The following PSD3 variants were observed in gnomAD, a reference collection of about 807,000 sequenced individuals.
PSD3 encodes pleckstrin and Sec7 domain containing 3, also known as PH and SEC7 domain-containing protein 3.
A neutral mutation model predicts 105.5 loss-of-function variants in PSD3; 49 were observed. That is an observed-to-expected ratio of 0.46 (90% confidence interval 0.37 to 0.59). The LOEUF is 0.59. Among genes scored for constraint, PSD3 ranks in the 20% least tolerant of loss-of-function variants. The pLI is 0.00. For synonymous variants in PSD3, 557 were observed against 457.8 expected (o/e 1.22, Z -2.77); for missense variants, 1,561 against 1,263.8 (o/e 1.24, Z -3.57).
At chr8:18,798,457 A>G (rs1321892145) in intron 8 of PSD3, among the ~76,000 whole-genome samples, 2 of 152,162 alleles carry the variant, frequency 1.3e-5, no homozygotes, top group African/African-American at 4.8e-5. Context: ...ATAGAGCTCC[A>G]TGGTTCCTTT....
chr8:18,938,346 G>C (rs748386742), intron 1 of PSD3, among the ~76,000 whole-genome samples: 1 of 151,300 alleles, frequency 6.6e-6, no homozygotes, highest in African/African-American at 2.4e-5. Context: ...AAGGGGCCAG[G>C]CACAGTGGCT....
At chr8:19,022,870 T>TG (rs995428292) in intron 1 of PSD3, among the ~76,000 whole-genome samples, 80 of 151,618 alleles carry the variant, frequency 5.3e-4, no homozygotes, top group African/African-American at 1.8e-3. Flanking sequence ...GACCCTTTTT[T>TG]TTTTTTTAAT....
chr8:18,632,541 A>T, intron 11 of PSD3, 72 bp downstream of exon 11: 1 of 1,486,138 alleles, frequency 6.7e-7, no homozygotes, highest in Non-Finnish European at 9.2e-7. Flanking sequence ...TGACTTTCAG[A>T]TAAATTCCCT....
intron 14 of PSD3, among the ~76,000 whole-genome samples, chr8:18,565,411 G>A (rs1270152224): frequency 1.3e-5 from 2 of 152,114 alleles, no homozygotes; most frequent in Admixed American, 6.6e-5. Flanking sequence ...CAAAGAAGGC[G>A]ACTCCTCCTA....
At chr8:18,963,341 C>T (rs976840649) in intron 1 of PSD3, among the ~76,000 whole-genome samples, 10 of 152,328 alleles carry the variant, frequency 6.6e-5, no homozygotes, top group Admixed American at 6.5e-4. Context: ...CAGAATTTGA[C>T]TTCCTGAATT....
At position 18,986,239 on chromosome 8, in the gene PSD3, A is replaced by T. The variant is rs1450293193; in HGVS notation, c.21+27324T>A. Among the ~76,000 whole-genome samples, 3 of 152,320 alleles carry T rather than the reference A, an allele frequency of 2.0e-5. No homozygotes were observed. In the East Asian group the frequency reaches 5.8e-4, roughly 29 times the overall value. On this transcript the variant is annotated intron_variant, in intron 1 of 15. Transcript: ENST00000327040. ...CTGCATTAATGAATAGATATAAATG[A>T]CTGTCATTAGAACTTCAGTTATCAA...
At chr8:18,796,129 A>G (rs1362374609) in intron 8 of PSD3, among the ~76,000 whole-genome samples, 5 of 151,986 alleles carry the variant, frequency 3.3e-5, no homozygotes, top group South Asian at 2.1e-4. Context: ...GGAAAATGAT[A>G]TATCAGTCAC....
At chr8:18,567,770 G>A (rs1801884977) in intron 14 of PSD3, among the ~76,000 whole-genome samples, 1 of 152,098 alleles carries the variant, frequency 6.6e-6, no homozygotes, top group Non-Finnish European at 1.5e-5. Flanking sequence ...AATGTGGTTT[G>A]TCTTCCCATG....
chr8:18,614,810 T>TTTTG (rs1554523092), intron 11 of PSD3, among the ~76,000 whole-genome samples: 3 of 149,604 alleles, frequency 2.0e-5, no homozygotes, highest in Middle Eastern at 3.6e-3. Context: ...TTTTTTGTTT[T>TTTTG]GTTTTCATAG....
intron 1 of PSD3, among the ~76,000 whole-genome samples, chr8:18,948,457 G>C (rs1823000343): frequency 6.6e-6 from 1 of 152,114 alleles, no homozygotes; most frequent in South Asian, 2.1e-4. Flanking sequence ...AAATCAACCA[G>C]ACTGAATAAA....
At chr8:19,057,768 C>T (rs563027803) in intron 1 of PSD3, among the ~76,000 whole-genome samples, 311 of 152,004 alleles carry the variant, frequency 2.0e-3, no homozygotes, top group African/African-American at 7.0e-3. Context: ...ATTAGAATGG[C>T]AAAAAAGAAA....
chr8:19,021,297 A>G (rs1393196697), intron 1 of PSD3, among the ~76,000 whole-genome samples: 1 of 152,198 alleles, frequency 6.6e-6, no homozygotes, highest in Non-Finnish European at 1.5e-5. Context: ...ACCTCCTGCA[A>G]TCATCACTTC....
chr8:18,948,019 G>A (rs1405249069), intron 1 of PSD3, among the ~76,000 whole-genome samples: 2 of 152,150 alleles, frequency 1.3e-5, no homozygotes, highest in African/African-American at 2.4e-5. Flanking sequence ...ATTAACAACC[G>A]ACTATTATGA....
intron 1 of PSD3, among the ~76,000 whole-genome samples, chr8:19,080,377 G>A (rs1310861658): frequency 1.3e-5 from 2 of 152,150 alleles, no homozygotes; most frequent in Admixed American, 1.3e-4. Context: ...GAGCTTCTTT[G>A]TTATCTTGTG....
At chr8:18,620,700 G>A (rs768800579) in intron 11 of PSD3, among the ~76,000 whole-genome samples, 4 of 152,038 alleles carry the variant, frequency 2.6e-5, no homozygotes, top group African/African-American at 4.8e-5. Context: ...AGTGAGCAAG[G>A]ACCTGTCTCA....
At chr8:18,998,839 T>C (rs1205138330) in intron 1 of PSD3, among the ~76,000 whole-genome samples, 3 of 150,154 alleles carry the variant, frequency 2.0e-5, no homozygotes, top group Admixed American at 6.7e-5. Flanking sequence ...TTATGATACA[T>C]AAATTCCAGG....
At chr8:18,818,618 G>A (rs1812421748) in intron 4 of PSD3, among the ~76,000 whole-genome samples, 1 of 151,902 alleles carries the variant, frequency 6.6e-6, no homozygotes. Context: ...AATCTGCTCT[G>A]CAAATAAACT....
At chr8:18,591,149 C>G (rs1055049316) in intron 12 of PSD3, among the ~76,000 whole-genome samples, 2 of 152,062 alleles carry the variant, frequency 1.3e-5, no homozygotes, top group African/African-American at 4.8e-5. Flanking sequence ...GCCAAGAAAC[C>G]CACGCTGAAA....
At chr8:18,912,336 C>T (rs1260792888) in intron 2 of PSD3, among the ~76,000 whole-genome samples, 1 of 152,144 alleles carries the variant, frequency 6.6e-6, no homozygotes, top group Non-Finnish European at 1.5e-5. Flanking sequence ...TCAGGAACAG[C>T]GCTTCACAAT....
Sources: allele counts gnomAD v4.1 joint callset (sites outside exome capture counted in the v4.1 genomes callset), GRCh38; gene constraint gnomAD v4.1.1; transcripts MANE v1.5; gene names NCBI Gene and HGNC (gene_info 2026-07-23, HGNC 2026-07-21).